The following TCERG1L variants were observed in gnomAD, a reference collection of about 807,000 sequenced individuals.
TCERG1L encodes transcription elongation regulator 1-like protein.
In TCERG1L, 37 loss-of-function variants were observed where a neutral mutation model predicts 56.3. The ratio of observed to expected loss-of-function variants is 0.66; its 90% confidence interval spans 0.51 to 0.87. The LOEUF (loss-of-function observed/expected upper bound fraction) is 0.87, where lower values mean the gene tolerates loss of function less well. Among genes scored for constraint, TCERG1L ranks in the 40% least tolerant of loss-of-function variants. The probability of loss-of-function intolerance (pLI) is 0.00; values close to 1 mark genes in which losing one functional copy is unlikely to be tolerated. For synonymous variants in TCERG1L, 324 were observed against 326.3 expected (o/e 0.99, Z 0.08); for missense variants, 799 against 774.2 (o/e 1.03, Z -0.38).
chr10:131,195,123 C>T (rs1009177031), intron 4 of TCERG1L, among the ~76,000 whole-genome samples: 4 of 152,070 alleles, frequency 2.6e-5, no homozygotes, highest in South Asian at 2.1e-4. Context: ...GAGGAACAGA[C>T]GTGAAATGGG....
At chr10:131,255,563 T>C (rs1228731949) in intron 4 of TCERG1L, among the ~76,000 whole-genome samples, 2 of 152,376 alleles carry the variant, frequency 1.3e-5, no homozygotes, top group African/African-American at 4.8e-5. Context: ...GTGTCTATTG[T>C]ATTAGTATTC....
At chr10:131,129,859 G>A (rs1020580539) in intron 8 of TCERG1L, among the ~76,000 whole-genome samples, 4 of 152,216 alleles carry the variant, frequency 2.6e-5, no homozygotes, top group African/African-American at 9.6e-5. Context: ...CTTGGCGGAA[G>A]TTGAAGAGGA....
chr10:131,199,439 G>A (rs1042892435), intron 4 of TCERG1L, among the ~76,000 whole-genome samples: 16 of 152,056 alleles, frequency 1.1e-4, no homozygotes, highest in African/African-American at 2.7e-4. Flanking sequence ...TTCACTGCTC[G>A]CAAAGCTCTG....
At chr10:131,303,770 CAA>C (rs952761298) in intron 3 of TCERG1L, among the ~76,000 whole-genome samples, 3 of 152,138 alleles carry the variant, frequency 2.0e-5, no homozygotes, top group African/African-American at 7.2e-5. Flanking sequence ...TGCTAGTTTT[CAA>C]AAGTTTCCTT....
intron 4 of TCERG1L, among the ~76,000 whole-genome samples, chr10:131,198,024 C>T (rs1312557773): frequency 6.8e-6 from 1 of 148,078 alleles, no homozygotes; most frequent in Non-Finnish European, 1.5e-5. Context: ...TTTCCTGTAG[C>T]ATCTATGCTC....
intron 3 of TCERG1L, among the ~76,000 whole-genome samples, chr10:131,282,469 T>G (rs1410733333): frequency 6.6e-6 from 1 of 152,148 alleles, no homozygotes; most frequent in Non-Finnish European, 1.5e-5. Context: ...CCAGCGAAAG[T>G]AACCTCAGCC....
chr10:131,152,563 T>TG (rs1411640846), intron 6 of TCERG1L, among the ~76,000 whole-genome samples: 1 of 152,210 alleles, frequency 6.6e-6, no homozygotes, highest in East Asian at 1.9e-4. Context: ...GTTTCAAACT[T>TG]TTCCACATTT....
intron 2 of TCERG1L, 95 bp from the exon 3 acceptor site, chr10:131,308,486 C>A: frequency 9.6e-7 from 1 of 1,045,594 alleles, no homozygotes; most frequent in Non-Finnish European, 1.4e-6. Flanking sequence ...TTACGTTGAT[C>A]CAACATTGAA....
At chr10:131,307,364 A>G (rs532162395) in intron 3 of TCERG1L, among the ~76,000 whole-genome samples, 17 of 152,352 alleles carry the variant, frequency 1.1e-4, no homozygotes, top group Admixed American at 6.5e-4. Context: ...AACAAAATAA[A>G]TATATCTCCT....
intron 3 of TCERG1L, among the ~76,000 whole-genome samples, chr10:131,282,573 A>G (rs1214289948): frequency 1.3e-5 from 2 of 152,252 alleles, no homozygotes; most frequent in African/African-American, 4.8e-5. Context: ...AAATGTTAAC[A>G]AAATAAATGA....
chr10:131,216,109 A>C (rs1401510989), intron 4 of TCERG1L, among the ~76,000 whole-genome samples: 1 of 152,214 alleles, frequency 6.6e-6, no homozygotes, highest in Non-Finnish European at 1.5e-5. Context: ...TAATCGATTA[A>C]ATAAAAACAG....
At chr10:131,224,090 C>T (rs1845765045) in intron 4 of TCERG1L, among the ~76,000 whole-genome samples, 1 of 152,140 alleles carries the variant, frequency 6.6e-6, no homozygotes, top group African/African-American at 2.4e-5. Flanking sequence ...ATTAGGAATT[C>T]TGGAACCCTT....
chr10:131,181,870 C>T (rs2918162), intron 4 of TCERG1L, among the ~76,000 whole-genome samples: 145,869 of 152,366 alleles, frequency 0.96, 70,135 homozygotes, highest in East Asian at 1. Context: ...TTGCAAACCT[C>T]CTTTGCAAAT....
At chr10:131,307,119 TATC>T (rs1271046173) in intron 3 of TCERG1L, among the ~76,000 whole-genome samples, 2 of 152,258 alleles carry the variant, frequency 1.3e-5, no homozygotes, top group Non-Finnish European at 2.9e-5. Context: ...AATCATCTTT[TATC>T]ATCATTAAAT....
At chr10:131,207,492 C>T (rs1006722289) in intron 4 of TCERG1L, among the ~76,000 whole-genome samples, 5 of 152,188 alleles carry the variant, frequency 3.3e-5, no homozygotes, top group Non-Finnish European at 5.9e-5. Flanking sequence ...GTGGCAATGC[C>T]GGCTTCTCCC....
intron 3 of TCERG1L, among the ~76,000 whole-genome samples, chr10:131,286,142 T>G (rs563635947): frequency 3.9e-5 from 6 of 152,314 alleles, no homozygotes; most frequent in African/African-American, 1.4e-4. Flanking sequence ...CACAGTAGTC[T>G]TCTTTTTGTC....
Position 131,267,792 on chromosome 10 carries a change from C to G in TCERG1L, c.671-7348G>C, listed in dbSNP as rs1356276894. 6.6e-6 allele frequency among the ~76,000 whole-genome samples: 1 copy of G among 152,224 alleles called. No homozygotes were observed. Among genetic ancestry groups the G allele is most frequent in the Non-Finnish European group, 1.5e-5 (1 of 68,038 alleles). Reference sequence around the variant, plus strand: ...GGAACCCCACTGCTGCTCCCACCACCAGTCCTGCTGCCCTGTCCACCTCCT... The same window carrying G: ...GGAACCCCACTGCTGCTCCCACCACGAGTCCTGCTGCCCTGTCCACCTCCT... On this transcript the variant is annotated intron_variant, in intron 3 of 11. Transcript: ENST00000368642. This position sits in a 1 kb window ranked among gnomAD's most constrained non-coding sequence, Gnocchi z 4.9.
chr10:131,113,952 T>C lies in TCERG1L; in HGVS notation c.1395+2847A>G, dbSNP rs1452761897. ...ACTTGCTCCTGATGGACTAAAGTTT[T>C]AAAAGAAAGCTTCTTTGGGATTTGT... On this transcript the variant is annotated intron_variant, in intron 9 of 11. Transcript: ENST00000368642. 2.8e-5 allele frequency among the ~76,000 whole-genome samples: 4 copies of C among 142,396 alleles called. 2 individuals are homozygous for C. Among genetic ancestry groups the C allele is most frequent in the Non-Finnish European group, 6.3e-5 (4 of 63,354 alleles). The allele number at this position is 142,396 out of a possible 152,430, so 93.4% of individuals were successfully genotyped here. A position where few individuals can be genotyped will look rare whatever the true frequency, so the allele number is the denominator to read the frequency against.
chr10:131,238,356 AG>A (rs1372079572), intron 4 of TCERG1L, among the ~76,000 whole-genome samples: 1 of 152,184 alleles, frequency 6.6e-6, no homozygotes. Flanking sequence ...GTCCTGACGG[AG>A]GAGGTCAGCC....
Sources: allele counts gnomAD v4.1 joint callset (sites outside exome capture counted in the v4.1 genomes callset), GRCh38; gene constraint gnomAD v4.1.1; non-coding constraint Gnocchi (gnomAD v3.1); transcripts MANE v1.5; gene names NCBI Gene and HGNC (gene_info 2026-07-23, HGNC 2026-07-21).